Variants in DGKH observed in about 807,000 individuals in gnomAD.
DGKH encodes the protein DAG kinase eta.
A neutral mutation model predicts 159.3 loss-of-function variants in DGKH; 90 were observed. The ratio of observed to expected loss-of-function variants is 0.57; its 90% CI spans 0.48 to 0.67. DGKH has a LOEUF of 0.67. DGKH is among the 30% of genes least tolerant of loss of function. DGKH has a pLI of 0.00. For synonymous variants in DGKH, 536 were observed against 553.8 expected (o/e 0.97, Z 0.45); for missense variants, 1,181 against 1,506.1 (o/e 0.78, Z 3.57).
At chr13:42,049,229 G>A (rs912502780) in intron 1 of DGKH, among the ~76,000 whole-genome samples, 3 of 151,718 alleles carry the variant, frequency 2.0e-5, no homozygotes, top group Admixed American at 6.6e-5. Context: ...GCGGTGCTGC[G>A]GGACGGATTC....
intron 1 of DGKH, among the ~76,000 whole-genome samples, chr13:42,119,734 G>A (rs1310349745): frequency 6.6e-6 from 1 of 152,032 alleles, no homozygotes; most frequent in Non-Finnish European, 1.5e-5. Flanking sequence ...TTCTAAATGT[G>A]CATTTCAGTA....
At chr13:42,157,297 C>G (rs1956069851) in intron 5 of DGKH, among the ~76,000 whole-genome samples, 1 of 152,040 alleles carries the variant, frequency 6.6e-6, no homozygotes, top group Non-Finnish European at 1.5e-5. Context: ...AATCTTTATT[C>G]CAAAAATGCT....
At chr13:42,065,318 C>T (rs939139231) in intron 1 of DGKH, among the ~76,000 whole-genome samples, 1 of 152,158 alleles carries the variant, frequency 6.6e-6, no homozygotes, top group African/African-American at 2.4e-5. Context: ...GCTAAGATTC[C>T]ACAGTAGGAA....
chr13:42,167,065 A>C (rs151191085), intron 9 of DGKH, among the ~76,000 whole-genome samples: 1 of 152,200 alleles, frequency 6.6e-6, no homozygotes, highest in Admixed American at 6.5e-5. Context: ...AGGGACTCTC[A>C]TGGCTGTCAA....
chr13:42,233,462 A>G lies in DGKH; in HGVS notation c.*4274A>G, dbSNP rs1566224945. On this transcript the variant is annotated 3_prime_UTR_variant, in exon 30 of 30. Transcript: ENST00000337343. ...TTAGCTATTAGGGATGTGAGGTCCG[A>G]GGGCTTCAAAAGGTCCCCGGAATAG... 6.6e-6 allele frequency: 1 copy of G among 152,234 alleles called. No homozygotes were observed. The highest frequency in any genetic ancestry group is 1.5e-5 in the Non-Finnish European group (1 of 68,058). 9.4% of individuals were successfully genotyped at this position (152,234 alleles called of 1,614,324 possible).
intron 13 of DGKH, among the ~76,000 whole-genome samples, chr13:42,185,293 T>A (rs150514788): frequency 7.9e-4 from 121 of 152,338 alleles, no homozygotes; most frequent in Middle Eastern, 3.4e-3. Context: ...TGTCTTCTGA[T>A]TCTTTCCACA....
intron 20 of DGKH, among the ~76,000 whole-genome samples, chr13:42,202,827 CA>C (rs1272931012): frequency 2.0e-5 from 3 of 152,046 alleles, no homozygotes; most frequent in African/African-American, 7.2e-5. Context: ...ATTAAAATTC[CA>C]AACATTTTTT....
chr13:42,206,364 A>G lies in DGKH; in HGVS notation c.2601+218A>G, dbSNP rs568634481. ...TCATGTTGAAGATACAGATATTCGT[A>G]TCTTGGGATGTATGTCACAATTTTC... is the stretch of plus-strand genomic sequence containing the variant. On this transcript the variant is annotated intron_variant, in intron 21 of 29. Transcript: ENST00000337343. 5.9e-5 allele frequency among the ~76,000 whole-genome samples: 9 copies of G among 152,308 alleles called. 1 individual carries two copies. The highest frequency in any genetic ancestry group is 4.6e-4 in the Admixed American group (7 of 15,304).
intron 1 of DGKH, among the ~76,000 whole-genome samples, chr13:42,119,815 CTCA>C (rs1170498613): frequency 1.3e-5 from 2 of 152,090 alleles, no homozygotes; most frequent in Admixed American, 1.3e-4. Context: ...ATATTCCTTT[CTCA>C]TCAAGTTAAT....
intron 1 of DGKH, among the ~76,000 whole-genome samples, chr13:42,060,813 C>G (rs1437149116): frequency 6.6e-6 from 1 of 152,156 alleles, no homozygotes; most frequent in African/African-American, 2.4e-5. Context: ...TACAATTATT[C>G]TCTCCTTTTT....
intron 1 of DGKH, among the ~76,000 whole-genome samples, chr13:42,088,508 A>G: frequency 6.6e-6 from 1 of 152,282 alleles, no homozygotes; most frequent in East Asian, 1.9e-4. Context: ...GATGTTTACC[A>G]TTGTAAGAGT....
chr13:42,059,864 C>CTCT (rs1443920469), intron 1 of DGKH, among the ~76,000 whole-genome samples: 1 of 150,644 alleles, frequency 6.6e-6, no homozygotes, highest in African/African-American at 2.4e-5. Flanking sequence ...CTCACATCTT[C>CTCT]TCTTCTTTTG....
chr13:42,161,930 A>G (rs1199454085), intron 7 of DGKH, among the ~76,000 whole-genome samples: 2 of 152,220 alleles, frequency 1.3e-5, no homozygotes, highest in Non-Finnish European at 2.9e-5. Flanking sequence ...GTTAACTTTA[A>G]CAGCAGGAGT....
intron 29 of DGKH, among the ~76,000 whole-genome samples, chr13:42,248,317 G>A (rs1555284306): frequency 6.6e-6 from 1 of 151,908 alleles, no homozygotes; most frequent in Non-Finnish European, 1.5e-5. Context: ...AGCTACTCGG[G>A]AGGCTGAGGC....
chr13:42,176,587 C>CTTTTGAAAGAGTA (rs778264605), intron 12 of DGKH, among the ~76,000 whole-genome samples: 33,212 of 151,906 alleles, frequency 0.22, 4,297 homozygotes, highest in Admixed American at 0.29. Flanking sequence ...GTAACATAAC[C>CTTTTGAAAGAGTA]ACTTGTGGAA....
chr13:42,170,073 A>G (rs1201735031), intron 11 of DGKH, among the ~76,000 whole-genome samples: 1 of 152,256 alleles, frequency 6.6e-6, no homozygotes, highest in Admixed American at 6.5e-5. Flanking sequence ...TAAATAAATA[A>G]AATCACCATT....
intron 1 of DGKH, among the ~76,000 whole-genome samples, 176 bp downstream of exon 1, chr13:42,049,141 T>G (rs1481527931): frequency 1.6e-5 from 1 of 63,644 alleles, no homozygotes. Flanking sequence ...GCGGGGATGG[T>G]GAGACGGTGA....
intron 3 of DGKH, chr13:42,140,499 C>T (rs1955517241): frequency 6.6e-6 from 1 of 152,242 alleles, no homozygotes; most frequent in Non-Finnish European, 1.5e-5. Flanking sequence ...ACTTCTAAAA[C>T]CTGTCTCTTC....
upstream of DGKH, among the ~76,000 whole-genome samples, chr13:42,047,467 G>C (rs746276718): frequency 1.3e-5 from 2 of 152,232 alleles, no homozygotes; most frequent in Non-Finnish European, 2.9e-5. Flanking sequence ...TCCACAGTCT[G>C]GCAGGGACTT....
Sources: allele counts gnomAD v4.1 joint callset (sites outside exome capture counted in the v4.1 genomes callset), GRCh38; gene constraint gnomAD v4.1.1; transcripts MANE v1.5; gene names NCBI Gene and HGNC (gene_info 2026-07-23, HGNC 2026-07-21).